PRKAG2: variants seen among roughly 807,000 people sequenced by gnomAD.
The protein encoded by PRKAG2 is protein kinase AMP-activated non-catalytic subunit gamma 2.
Under a neutral mutation model 69.6 loss-of-function variants are expected in PRKAG2, and 26 were observed. The observed-to-expected ratio is 0.37, with a 90% CI of 0.27 to 0.52. The LOEUF is 0.52. Ranked by LOEUF, PRKAG2 falls within the 20% of genes least tolerant of loss-of-function variation. The pLI, the probability that PRKAG2 is intolerant of heterozygous loss-of-function variation, is 0.90. For missense variants in PRKAG2, 557 were observed against 740.0 expected, an observed-to-expected ratio of 0.75 and a Z score of 2.87; for synonymous variants, 293 against 285.0, an observed-to-expected ratio of 1.03 and a Z score of -0.28.
chr7:151,726,305 C>A (rs995262941), intron 3 of PRKAG2, among the ~76,000 whole-genome samples: 1 of 151,822 alleles, frequency 6.6e-6, no homozygotes, highest in South Asian at 2.1e-4. Context: ...GCATGCAGGG[C>A]GCCAGGTTAG....
At chr7:151,618,529 C>A (rs549328051) in intron 5 of PRKAG2, among the ~76,000 whole-genome samples, 80 of 152,032 alleles carry the variant, frequency 5.3e-4, no homozygotes, top group African/African-American at 1.9e-3. Context: ...CTTTGGGAGG[C>A]CGAAGCAGGT....
chr7:151,695,422 G>A (rs932829599), intron 3 of PRKAG2, among the ~76,000 whole-genome samples: 3 of 152,164 alleles, frequency 2.0e-5, no homozygotes, highest in African/African-American at 7.2e-5. Flanking sequence ...AGTCCAGAGA[G>A]CATGAGCCCA....
intron 1 of PRKAG2, among the ~76,000 whole-genome samples, chr7:151,804,248 G>A (rs529712277): frequency 1.3e-5 from 2 of 152,334 alleles, no homozygotes; most frequent in South Asian, 4.1e-4. Context: ...TCCCCTGTAG[G>A]TGACGCAGGC....
intron 3 of PRKAG2, among the ~76,000 whole-genome samples, chr7:151,701,560 C>A (rs1309938758): frequency 1.3e-5 from 2 of 152,080 alleles, no homozygotes; most frequent in Non-Finnish European, 2.9e-5. Flanking sequence ...ATAAGGATTG[C>A]CGGCCGGGCG....
intron 1 of PRKAG2, among the ~76,000 whole-genome samples, chr7:151,857,957 G>C (rs900576966): frequency 2.6e-5 from 4 of 152,228 alleles, no homozygotes; most frequent in Admixed American, 2.6e-4. Flanking sequence ...AAGGGGTACA[G>C]GGTGCTGGGA....
In PRKAG2 at chr7:151,777,748, T is replaced by G. The variant is rs1403967349; in HGVS notation, c.466+3404A>C. On this transcript the variant is annotated intron_variant, in intron 3 of 15. Transcript: ENST00000287878. The surrounding 1 kb of genome is among the most constrained non-coding windows in gnomAD (Gnocchi z 4.3). ...AAGCTAACAAAGGGAGGAATTTAGT[T>G]TATAGTTTAATTTGAAAGCAAGGAT... is the stretch of plus-strand genomic sequence containing the variant. Among the ~76,000 whole-genome samples the G allele has an allele frequency of 6.6e-6, 1 of 152,160 alleles. No individual in the cohort carries two copies. The highest frequency in any genetic ancestry group is 1.5e-5 in the Non-Finnish European group (1 of 68,036).
chr7:151,571,993 G>C (rs1037412883), intron 9 of PRKAG2, among the ~76,000 whole-genome samples: 1 of 152,180 alleles, frequency 6.6e-6, no homozygotes, highest in Non-Finnish European at 1.5e-5. Flanking sequence ...GACTGGGTCT[G>C]CCGTGATTCC....
At chr7:151,738,404 C>T (rs562968673) in intron 3 of PRKAG2, among the ~76,000 whole-genome samples, 25 of 152,370 alleles carry the variant, frequency 1.6e-4, no homozygotes, top group Non-Finnish European at 3.5e-4. Context: ...TGGGAGCAAG[C>T]CCCCCAAAAT....
chr7:151,795,856 T>G (rs796094084), intron 1 of PRKAG2, among the ~76,000 whole-genome samples: 7 of 97,266 alleles, frequency 7.2e-5, no homozygotes, highest in African/African-American at 3.4e-4. Context: ...CATATATATA[T>G]ATATATATAT....
At chr7:151,794,315 G>A (rs770753375) in intron 1 of PRKAG2, among the ~76,000 whole-genome samples, 9 of 152,260 alleles carry the variant, frequency 5.9e-5, no homozygotes, top group South Asian at 2.1e-4. Context: ...CTGGCCCGGA[G>A]TGCCCAGGAG....
intron 1 of PRKAG2, among the ~76,000 whole-genome samples, chr7:151,848,770 C>T (rs964432384): frequency 6.6e-6 from 1 of 152,150 alleles, no homozygotes; most frequent in African/African-American, 2.4e-5. Flanking sequence ...GGTGATCTTC[C>T]TGCCTCGGCC....
At chr7:151,859,142 C>A (rs917029375) in intron 1 of PRKAG2, among the ~76,000 whole-genome samples, 1 of 152,228 alleles carries the variant, frequency 6.6e-6, no homozygotes, top group African/African-American at 2.4e-5. Context: ...TCGCTGGGGC[C>A]TCCAGCAAAC....
At chr7:151,808,434 CCTCAGA>C (rs1405121481) in intron 1 of PRKAG2, among the ~76,000 whole-genome samples, 1 of 152,096 alleles carries the variant, frequency 6.6e-6, no homozygotes, top group Non-Finnish European at 1.5e-5. Context: ...TGATTTTGTT[CCTCAGA>C]TAAAAGAGCA....
intron 1 of PRKAG2, among the ~76,000 whole-genome samples, chr7:151,787,501 G>C (rs2077071071): frequency 2.0e-5 from 3 of 152,098 alleles, no homozygotes; most frequent in Admixed American, 2.0e-4. Flanking sequence ...ATGTCTTCAA[G>C]GCTCCTCCAG....
chr7:151,558,443 C>T (rs1312373979), intron 15 of PRKAG2: 2 of 985,108 alleles, frequency 2.0e-6, no homozygotes, highest in Non-Finnish European at 2.4e-6. Flanking sequence ...GGGAGACGGG[C>T]CTGTATCAGC....
chr7:151,600,816 T>C (rs1815863129), intron 5 of PRKAG2, among the ~76,000 whole-genome samples: 1 of 152,186 alleles, frequency 6.6e-6, no homozygotes. Flanking sequence ...CGGACATCTT[T>C]TCCCACAAAA....
intron 2 of PRKAG2, among the ~76,000 whole-genome samples, chr7:151,783,023 G>A (rs948058540): frequency 1.3e-5 from 2 of 152,236 alleles, no homozygotes; most frequent in Admixed American, 6.5e-5. Context: ...AGGCAGCCTC[G>A]GTGCCACTTC....
chr7:151,611,783 G>A (rs1332277477), intron 5 of PRKAG2, among the ~76,000 whole-genome samples: 2 of 152,176 alleles, frequency 1.3e-5, no homozygotes, highest in Non-Finnish European at 2.9e-5. Context: ...GCCGGGCACG[G>A]TGGCCCATAC....
chr7:151,728,376 G>C (rs1030100959), intron 3 of PRKAG2, among the ~76,000 whole-genome samples: 20 of 152,126 alleles, frequency 1.3e-4, no homozygotes, highest in Admixed American at 1.2e-3. Flanking sequence ...GGAACCCCGG[G>C]TGACCATCCT....
Sources: allele counts gnomAD v4.1 joint callset (sites outside exome capture counted in the v4.1 genomes callset), GRCh38; gene constraint gnomAD v4.1.1; non-coding constraint Gnocchi (gnomAD v3.1); transcripts MANE v1.5; gene names NCBI Gene and HGNC (gene_info 2026-07-23, HGNC 2026-07-21).